MAST4: variants seen among roughly 807,000 people sequenced by gnomAD.
The protein encoded by MAST4 is microtubule associated serine/threonine kinase family member 4.
MAST4 carries 89 observed loss-of-function variants against 162.7 expected under a neutral mutation model. The ratio of observed to expected loss-of-function variants is 0.55; its 90% CI spans 0.46 to 0.65. The LOEUF (loss-of-function observed/expected upper bound fraction) is 0.65, where lower values mean the gene tolerates loss of function less well. Ranked by LOEUF, MAST4 falls within the 30% of genes least tolerant of loss-of-function variation. The pLI is 0.00. For synonymous variants in MAST4, 1,479 were observed against 1,361.1 expected, an observed-to-expected ratio of 1.09 and a Z score of -1.91; for missense variants, 3,153 against 3,374.0, an observed-to-expected ratio of 0.93 and a Z score of 1.62.
In MAST4 at chr5:67,136,679, GTTTTAA is replaced by G. The variant is rs533577561; in HGVS notation, c.2494+20_2494+25del. 178 of 1,567,342 alleles carry G rather than the reference GTTTTAA, an allele frequency of 1.1e-4. No individual in the cohort carries two copies. In the African/African-American group the frequency reaches 1.7e-3, roughly 15 times the overall value. On this transcript the variant is annotated intron_variant, in intron 19 of 28. Coordinates refer to ENST00000403625, the MANE Select transcript of MAST4 (RefSeq NM_001164664.2). ...GCTGGGAACAGGTTAGAGCCCATGT[GTTTTAA>G]TTTTGCTAATATGCAAGAAATAATG...
intron 4 of MAST4, among the ~76,000 whole-genome samples, chr5:66,907,989 T>TGGAA (rs1763499320): frequency 6.6e-6 from 1 of 152,184 alleles, no homozygotes; most frequent in African/African-American, 2.4e-5. Flanking sequence ...CAAAGCCACA[T>TGGAA]GGAAGTCCAG....
In MAST4 at chr5:66,717,923, G is replaced by A. The variant is rs184296903; in HGVS notation, c.364-41786G>A. ...AGGGAAGGAAGGAGGCCGTGGGACC[G>A]CTGGGTCTAAGCCTGGTTCCTACCA... On this transcript the variant is annotated intron_variant, in intron 1 of 28. Transcript: ENST00000403625. Among the ~76,000 whole-genome samples, 177 of 152,270 alleles carry A rather than the reference G, an allele frequency of 1.2e-3. 2 individuals are homozygous for A. The highest frequency in any genetic ancestry group is 2.5e-3 in the African/African-American group (103 of 41,558).
intron 10 of MAST4, among the ~76,000 whole-genome samples, chr5:67,107,403 C>T (rs555920377): frequency 6.6e-6 from 1 of 152,242 alleles, no homozygotes; most frequent in African/African-American, 2.4e-5. Context: ...AGCATGTATA[C>T]TTGTGGCATA....
Position 66,891,812 on chromosome 5 carries a change from A to G in MAST4, c.643-8139A>G, listed in dbSNP as rs138785581. ...GTCACTTAGGAATTTTTGAATTGCA[A>G]AGACTAGAAAACACAAGTTAAACTG... On this transcript the variant is annotated intron_variant, in intron 3 of 28. Coordinates refer to ENST00000403625, the MANE Select transcript of MAST4 (RefSeq NM_001164664.2). Among the ~76,000 whole-genome samples, 491 of 152,342 alleles carry G rather than the reference A, an allele frequency of 3.2e-3. 4 individuals carry two copies. The highest frequency in any genetic ancestry group is 0.011 in the African/African-American group (473 of 41,572).
intron 4 of MAST4, chr5:66,930,723 C>A (rs1342127950): frequency 2.1e-6 from 1 of 470,754 alleles, no homozygotes; most frequent in Middle Eastern, 3.3e-4. Context: ...TTATACCATT[C>A]TATCTGGGTT....
Position 67,103,315 on chromosome 5 carries a change from C to T in MAST4, c.1146+704C>T, listed in dbSNP as rs191748427. On this transcript the variant is annotated intron_variant, in intron 9 of 28. Transcript: ENST00000403625. ...ACGTTTTTCCGATCCACCCCCACAG[C>T]CTGTGTTGCCCTAAACAGGAGAACA... 3.9e-5 allele frequency among the ~76,000 whole-genome samples: 6 copies of T among 152,340 alleles called. No homozygotes were observed. The East Asian group carries it at 1.2e-3, about 29-fold the overall frequency.
chr5:67,101,208 G>A (rs537942647), intron 8 of MAST4, among the ~76,000 whole-genome samples: 1 of 152,300 alleles, frequency 6.6e-6, no homozygotes, highest in East Asian at 1.9e-4. Flanking sequence ...TAGCACCTGT[G>A]GGAGGGAAGG....
At chr5:67,020,715 T>A (rs1206343755) in intron 4 of MAST4, among the ~76,000 whole-genome samples, 3 of 152,232 alleles carry the variant, frequency 2.0e-5, no homozygotes, top group African/African-American at 7.2e-5. Context: ...TGGCAGGCCA[T>A]CTCACCTATG....
chr5:66,622,466 G>A (rs1272838730), intron 1 of MAST4, among the ~76,000 whole-genome samples: 1 of 149,058 alleles, frequency 6.7e-6, no homozygotes, highest in East Asian at 2.0e-4. Context: ...ATAGTCACTG[G>A]AAGGTTTTAA....
chr5:67,102,659 A>G (rs750662000), intron 9 of MAST4, 48 bp downstream of exon 9: 7 of 1,455,730 alleles, frequency 4.8e-6, no homozygotes, highest in South Asian at 1.1e-5. Flanking sequence ...AACAGGCACC[A>G]TAGGTTTAGA....
intron 4 of MAST4, among the ~76,000 whole-genome samples, chr5:66,906,599 G>A (rs897244673): frequency 6.6e-6 from 1 of 152,142 alleles, no homozygotes; most frequent in Non-Finnish European, 1.5e-5. Flanking sequence ...GCTGGATCTT[G>A]GAGATGTCTT....
intron 1 of MAST4, among the ~76,000 whole-genome samples, chr5:66,709,738 T>A (rs1750375157): frequency 6.6e-6 from 1 of 152,230 alleles, no homozygotes; most frequent in South Asian, 2.1e-4. Flanking sequence ...AATACTTATT[T>A]TGGTCAAATA....
chr5:67,055,184 T>C (rs1440520098), intron 5 of MAST4, among the ~76,000 whole-genome samples: 2 of 152,104 alleles, frequency 1.3e-5, no homozygotes, highest in African/African-American at 4.8e-5. Flanking sequence ...TCTCAGTGTA[T>C]GGCTAGAGTG....
chr5:66,647,368 A>G (rs930589520), intron 1 of MAST4, among the ~76,000 whole-genome samples: 2 of 152,142 alleles, frequency 1.3e-5, no homozygotes, highest in Non-Finnish European at 2.9e-5. Context: ...CATGTCCTTG[A>G]GTACGACATC....
intron 5 of MAST4, among the ~76,000 whole-genome samples, chr5:67,061,944 GACTGATACACAC>G (rs1759662312): frequency 6.6e-6 from 1 of 152,120 alleles, no homozygotes. Flanking sequence ...TCCTGGAGTT[GACTGATACACAC>G]ACCTTTCTGC....
chr5:66,667,535 T>C (rs956350200), intron 1 of MAST4, among the ~76,000 whole-genome samples: 1 of 152,228 alleles, frequency 6.6e-6, no homozygotes, highest in African/African-American at 2.4e-5. Context: ...CAAATGCTGC[T>C]GGCAGAATTA....
At chr5:66,864,470 G>C (rs952599619) in intron 3 of MAST4, among the ~76,000 whole-genome samples, 2 of 152,166 alleles carry the variant, frequency 1.3e-5, no homozygotes, top group Non-Finnish European at 2.9e-5. Flanking sequence ...AGAGAGTAGA[G>C]GGAAGGGCAG....
Position 67,163,060 on chromosome 5 carries a change from C to A in MAST4, c.3968-87C>A. Reference sequence around the variant, plus strand: ...GAGACAATTTGCTGATCTTACCTGGCCTTACCTAATACAGTCTGGGCTACA... The same window carrying A: ...GAGACAATTTGCTGATCTTACCTGGACTTACCTAATACAGTCTGGGCTACA... On this transcript the variant is annotated intron_variant, in intron 28 of 28. Transcript: ENST00000403625. The surrounding 1 kb of genome is among the most constrained non-coding windows in gnomAD (Gnocchi z 7.0). The A allele has an allele frequency of 1.4e-6, 2 of 1,413,348 alleles. No individual in the cohort carries two copies. Among genetic ancestry groups the A allele is most frequent in the Admixed American group, 2.1e-5 (1 of 47,108 alleles). 87.6% of individuals were successfully genotyped at this position (1,413,348 alleles called of 1,614,324 possible).
At chr5:66,951,636 G>GTA (rs1554072471) in intron 4 of MAST4, among the ~76,000 whole-genome samples, 68 of 145,378 alleles carry the variant, frequency 4.7e-4, no homozygotes, top group African/African-American at 1.7e-3. Flanking sequence ...GTGTGTGTGT[G>GTA]TGTGTGTGTG....
Sources: allele counts gnomAD v4.1 joint callset (sites outside exome capture counted in the v4.1 genomes callset), GRCh38; gene constraint gnomAD v4.1.1; non-coding constraint Gnocchi (gnomAD v3.1); transcripts MANE v1.5; gene names NCBI Gene and HGNC (gene_info 2026-07-23, HGNC 2026-07-21).